Variants in MRPL49 observed in about 807,000 individuals in gnomAD.
MRPL49 encodes large ribosomal subunit protein mL49.
A neutral mutation model predicts 18.4 loss-of-function variants in MRPL49; 14 were observed. The observed-to-expected ratio is 0.76, with a 90% CI of 0.50 to 1.19. MRPL49 has a LOEUF of 1.19. Among genes scored for constraint, MRPL49 ranks in the 50% most tolerant of loss-of-function variants. The pLI is 0.00. For missense variants in MRPL49, 190 were observed against 217.8 expected (o/e 0.87, Z 0.80); for synonymous variants, 104 against 86.2 (o/e 1.21, Z -1.14).
At chr11:65,124,438 C>G in intron 1 of MRPL49, 64 bp from the exon 2 acceptor site, 1 of 1,486,604 alleles carries the variant, frequency 6.7e-7, no homozygotes, top group East Asian at 2.3e-5. Flanking sequence ...TCTCTACTTA[C>G]TGAAGTTATG....
rs1354234057 is a variant in MRPL49 at position 65,127,314 on chromosome 11, A to T, written c.*1442A>T. 4 of 423,080 alleles carry T rather than the reference A, an allele frequency of 9.5e-6. No homozygotes were observed. Among genetic ancestry groups the T allele is most frequent in the Non-Finnish European group, 1.7e-5 (4 of 239,064 alleles). The allele number at this position is 423,080 out of a possible 1,614,324, so 26.2% of individuals were successfully genotyped here. A position where few individuals can be genotyped will look rare whatever the true frequency, so the allele number is the denominator to read the frequency against. ...AAGTTTTTATTTGGCTGTATATACA[A>T]TTTAAGCTATTAAAATTTGTACAAT... On this transcript the variant is annotated 3_prime_UTR_variant, in exon 4 of 4. Transcript: ENST00000279242.
chr11:65,123,727 C>CGA (rs1359205838), intron 1 of MRPL49, among the ~76,000 whole-genome samples: 1 of 151,804 alleles, frequency 6.6e-6, no homozygotes, highest in Admixed American at 6.6e-5. Context: ...GAGTGAGACT[C>CGA]TATCTAAAAA....
intron 1 of MRPL49, among the ~76,000 whole-genome samples, chr11:65,123,115 G>C (rs1165363894): frequency 6.6e-6 from 1 of 152,186 alleles, no homozygotes; most frequent in East Asian, 1.9e-4. Flanking sequence ...CAATCATGGA[G>C]GTACAAACAA....
In MRPL49 at chr11:65,122,392, G is replaced by A. The variant is rs1476953901; in HGVS notation, c.46G>A (p.Gly16Ser). ...GGCTACGCTGCGGGGATGGAGAACC[G>A]GTGTCCAGCGGGGCTGCGGGCTACG... ...FRATLRGWRT[G>S]VQRGCGLRLL... is the part of the protein sequence containing the mutation. The change falls in exon 1 of 4, where the codon GGT becomes AGT. Residue 16 changes from glycine (G) to serine (S), a missense_variant. Transcript: ENST00000279242. 4 of 1,613,266 alleles carry A rather than the reference G, an allele frequency of 2.5e-6. No individual in the cohort carries two copies. Among genetic ancestry groups the A allele is most frequent in the South Asian group, 1.1e-5 (1 of 90,970 alleles).
upstream of MRPL49, chr11:65,122,272 C>T (rs773385546): frequency 1.3e-6 from 2 of 1,544,634 alleles, no homozygotes; most frequent in South Asian, 1.2e-5. Flanking sequence ...GCGAACCTGC[C>T]TGGGCAGGCA....
chr11:65,122,419 C>T lies in MRPL49; in HGVS notation c.73C>T (p.Leu25=), dbSNP rs750866520. The part of the protein sequence containing the change: ...TGVQRGCGLR[L]LSQTQGPPDY... ...TGTCCAGCGGGGCTGCGGGCTACGGCTGTTGGTGAGAGCGCTGAGCGAGGA... is the reference window on the plus strand; with the variant it reads ...TGTCCAGCGGGGCTGCGGGCTACGGTTGTTGGTGAGAGCGCTGAGCGAGGA... Residue 25 remains leucine (L), a synonymous_variant, in exon 1 of 4, where the codon CTG becomes TTG. Coordinates refer to ENST00000279242, the MANE Select transcript of MRPL49 (RefSeq NM_004927.4). 1.9e-6 allele frequency: 3 copies of T among 1,612,168 alleles called. No individual in the cohort carries two copies. The highest frequency in any genetic ancestry group is 2.5e-6 in the Non-Finnish European group (3 of 1,179,258).
In MRPL49 at chr11:65,124,571, C is replaced by A; in HGVS notation, c.148C>A (p.Arg50Ser). ...TGTGGATGAATATCAGTTTGTGGAG[C>A]GCCTGTTACCGGCTACCAGGATCCC... The part of the protein sequence containing the change: ...ESVDEYQFVE[R>S]LLPATRIPDP... Residue 50 changes from arginine (R) to serine (S), a missense_variant, in exon 2 of 4, where the codon CGC (arginine) becomes AGC (serine). Arg to Ser is a moderately radical substitution (Grantham distance 110). Transcript: ENST00000279242. 1 of 1,614,152 alleles carries A rather than the reference C, an allele frequency of 6.2e-7. No homozygotes were observed. Among genetic ancestry groups the A allele is most frequent in the Non-Finnish European group, 8.5e-7 (1 of 1,180,024 alleles).
intron 1 of MRPL49, among the ~76,000 whole-genome samples, chr11:65,122,680 A>G (rs531829504): frequency 6.6e-6 from 1 of 151,116 alleles, no homozygotes; most frequent in South Asian, 2.1e-4. Context: ...GCGGGGTCCT[A>G]GCATATGAGT....
intron 2 of MRPL49, 76 bp downstream of exon 2, chr11:65,124,728 G>A (rs1189887940): frequency 6.5e-7 from 1 of 1,532,884 alleles, no homozygotes; most frequent in South Asian, 1.2e-5. Flanking sequence ...CCTCCCCCAT[G>A]AGGCTCTGGA....
At position 65,125,714 on chromosome 11, in the gene MRPL49, A is replaced by G. The variant is rs1295782091; in HGVS notation, c.355-12A>G. 8 of 1,613,400 alleles carry G rather than the reference A, an allele frequency of 5.0e-6. No individual in the cohort carries two copies. The highest frequency in any genetic ancestry group is 2.2e-5 in the South Asian group (2 of 91,038). On this transcript the variant is annotated splice_polypyrimidine_tract_variant and intron_variant, in intron 3 of 3. Transcript: ENST00000279242. ...GACTCTTGGCCTGACCTGATTTGTC[A>G]TCTTTCCCCAGGCCCTGCAGAAAGA... is the stretch of plus-strand genomic sequence containing the variant.
chr11:65,124,720 TCC>T, intron 2 of MRPL49, 68 bp downstream of exon 2: 1 of 1,558,812 alleles, frequency 6.4e-7, no homozygotes, highest in Non-Finnish European at 8.7e-7. Flanking sequence ...GAGGTTGGCC[TCC>T]CCCATGAGGC....
chr11:65,125,450 AG>A (rs767115083), intron 2 of MRPL49, 37 bp from the exon 3 acceptor site: 1 of 1,611,862 alleles, frequency 6.2e-7, no homozygotes, highest in Non-Finnish European at 8.5e-7. Flanking sequence ...GATGGCACGT[AG>A]GAAGAGTTGA....
In MRPL49 at chr11:65,124,745, A is replaced by C. The variant is rs1275239670; in HGVS notation, c.229+93A>C. The C allele has an allele frequency of 2.8e-6, 4 of 1,431,082 alleles. No homozygotes were observed. In the Admixed American group the frequency reaches 8.6e-5, roughly 31 times the overall value. The allele number at this position is 1,431,082 out of a possible 1,614,324, so 88.6% of individuals were successfully genotyped here. The stretch of plus-strand genomic sequence containing the variant: ...TCCCCCATGAGGCTCTGGACTCTCC[A>C]GTGGGTTCAGGACTCATTTTGCAAT... On this transcript the variant is annotated intron_variant, in intron 2 of 3. Coordinates refer to ENST00000279242, the MANE Select transcript of MRPL49 (RefSeq NM_004927.4).
chr11:65,124,405 C>T (rs1948080889), intron 1 of MRPL49, 97 bp from the exon 2 acceptor site: 2 of 1,215,472 alleles, frequency 1.6e-6, no homozygotes, highest in Non-Finnish European at 2.3e-6. Context: ...TTATGTCATT[C>T]TCTCTGCCTG....
chr11:65,122,466 T>C (rs1333817270), intron 1 of MRPL49, 42 bp downstream of exon 1: 1 of 1,570,792 alleles, frequency 6.4e-7, no homozygotes, highest in Non-Finnish European at 8.7e-7. Flanking sequence ...CGCGTGGGTG[T>C]GAGGCTCAGT....
chr11:65,124,512 A>G lies in MRPL49; in HGVS notation c.89A>G (p.Gln30Arg), dbSNP rs766834093. The G allele has an allele frequency of 8.7e-6, 14 of 1,613,966 alleles. No homozygotes were observed. In the East Asian group the frequency reaches 8.9e-5, roughly 10 times the overall value. The change falls in exon 2 of 4, where the codon CAG (glutamine) becomes CGG (arginine). Residue 30 changes from glutamine to arginine, a missense_variant. Gln to Arg is a conservative substitution (Grantham distance 43, BLOSUM62 1). Coordinates refer to ENST00000279242, the MANE Select transcript of MRPL49 (RefSeq NM_004927.4). ...GCGLRLLSQT[Q>R]GPPDYPRFVE... ...TTTGTTTTGCTTCAGAGCCAGACCC[A>G]GGGCCCTCCAGATTACCCCAGGTTT...
chr11:65,123,915 C>T (rs371459483), intron 1 of MRPL49, among the ~76,000 whole-genome samples: 2 of 151,952 alleles, frequency 1.3e-5, no homozygotes, highest in East Asian at 1.9e-4. Context: ...GAGAGAGTCT[C>T]GTCGCTCTGT....
In MRPL49 at chr11:65,126,329, T is replaced by C. The variant is rs1381449066; in HGVS notation, c.*457T>C. 6.5e-6 allele frequency: 1 copy of C among 154,808 alleles called. No individual in the cohort carries two copies. The highest frequency in any genetic ancestry group is 1.4e-5 in the Non-Finnish European group (1 of 69,874). 9.6% of individuals were successfully genotyped at this position (154,808 alleles called of 1,614,324 possible). A position where few individuals can be genotyped will look rare whatever the true frequency, so the allele number is the denominator to read the frequency against. On this transcript the variant is annotated 3_prime_UTR_variant, in exon 4 of 4. Transcript: ENST00000279242. ...TTTGTATTTTTAGTAGAGATGGGGT[T>C]TCACCATGTTGGCCAGGCTGGTCTC...
At chr11:65,122,219 C>T (rs1948057011), upstream of MRPL49, 12 of 990,740 alleles carry the variant, frequency 1.2e-5, no homozygotes, top group South Asian at 3.1e-5. Context: ...GCTATTTGTA[C>T]CGCCCAAGGC....
Sources: allele counts gnomAD v4.1 joint callset (sites outside exome capture counted in the v4.1 genomes callset), GRCh38; gene constraint gnomAD v4.1.1; transcripts MANE v1.5; gene names NCBI Gene and HGNC (gene_info 2026-07-23, HGNC 2026-07-21).